OSBPL10: variants seen among roughly 807,000 people sequenced by gnomAD.
OSBPL10 encodes the protein oxysterol-binding protein-related protein 10.
Under a neutral mutation model 81.7 loss-of-function variants are expected in OSBPL10, and 49 were observed. The observed-to-expected ratio is 0.60, with a 90% confidence interval of 0.48 to 0.76. OSBPL10 has a LOEUF of 0.76. Ranked by LOEUF, OSBPL10 falls within the 30% of genes least tolerant of loss-of-function variation. The probability of loss-of-function intolerance (pLI) is 0.00; values close to 1 mark genes in which losing one functional copy is unlikely to be tolerated. For synonymous variants in OSBPL10, 419 were observed against 383.6 expected, an observed-to-expected ratio of 1.09 and a Z score of -1.08; for missense variants, 923 against 987.8, an observed-to-expected ratio of 0.93 and a Z score of 0.88.
At chr3:32,068,201 C>T (rs373332788) in intron 1 of OSBPL10, among the ~76,000 whole-genome samples, 3 of 152,184 alleles carry the variant, frequency 2.0e-5, no homozygotes, top group Admixed American at 6.5e-5. Flanking sequence ...CCCAAAACTC[C>T]GGCGCCAGTC....
chr3:31,666,194 T>G (rs1700186604), intron 10 of OSBPL10, among the ~76,000 whole-genome samples: 1 of 152,214 alleles, frequency 6.6e-6, no homozygotes, highest in Non-Finnish European at 1.5e-5. Context: ...CTGGCATCCC[T>G]GGGTGCTGGC....
chr3:31,811,940 A>C (rs368913174), intron 4 of OSBPL10, among the ~76,000 whole-genome samples: 129 of 152,354 alleles, frequency 8.5e-4, no homozygotes, highest in African/African-American at 3.0e-3. Flanking sequence ...TTGTTTAAAG[A>C]AATAGAGTTA....
At chr3:31,680,886 CA>C (rs1700623520) in intron 8 of OSBPL10, among the ~76,000 whole-genome samples, 2 of 152,196 alleles carry the variant, frequency 1.3e-5, no homozygotes, top group Admixed American at 1.3e-4. Context: ...CCCTTGTCAA[CA>C]GCAGGAAAAG....
In OSBPL10 at chr3:32,056,852, G is replaced by T. The variant is rs1699716498; in HGVS notation, n.186-10249C>A. Among the ~76,000 whole-genome samples the T allele has an allele frequency of 2.0e-5, 3 of 152,194 alleles. No homozygotes were observed. The South Asian group carries it at 6.2e-4, about 32-fold the overall frequency. ...GGTTAGGCATTCTTAGTCATGGAAT[G>T]AGATAAGAGGTCATAAAGATACACA... On this transcript the variant is annotated intron_variant and non_coding_transcript_variant, in intron 1 of 3. Coordinates refer to the OSBPL10 transcript ENST00000479173.
chr3:31,901,029 A>C (rs754156780), intron 1 of OSBPL10, among the ~76,000 whole-genome samples: 1 of 152,232 alleles, frequency 6.6e-6, no homozygotes, highest in African/African-American at 2.4e-5. Context: ...AAATCTAAAA[A>C]TATTTCAAAA....
intron 6 of OSBPL10, among the ~76,000 whole-genome samples, chr3:31,728,507 T>A (rs1696877274): frequency 6.6e-6 from 1 of 152,222 alleles, no homozygotes; most frequent in Admixed American, 6.5e-5. Flanking sequence ...AATTTAAAGT[T>A]ATCAAATGCT....
At chr3:31,812,804 A>C (rs375636785) in intron 4 of OSBPL10, among the ~76,000 whole-genome samples, 1 of 56,072 alleles carries the variant, frequency 1.8e-5, no homozygotes, top group Non-Finnish European at 3.5e-5. Flanking sequence ...GAAAGAAAGA[A>C]AGAAAGAAAG....
At position 31,807,627 on chromosome 3, in the gene OSBPL10, A is replaced by G. The variant is rs567426605; in HGVS notation, c.729+22413T>C. ...GTGGCACGTGCCTGTGGTCCCAACT[A>G]CTTAGGAGGCTGAGGTGGGAGGATC... On this transcript the variant is annotated intron_variant, in intron 4 of 11. Transcript: ENST00000396556. Among the ~76,000 whole-genome samples, 42 of 151,740 alleles carry G rather than the reference A, an allele frequency of 2.8e-4. No individual in the cohort carries two copies. In the East Asian group the frequency reaches 7.4e-3, roughly 27 times the overall value.
At chr3:32,000,602 G>A (rs138000211) in intron 2 of OSBPL10, among the ~76,000 whole-genome samples, 5 of 152,126 alleles carry the variant, frequency 3.3e-5, no homozygotes, top group African/African-American at 7.2e-5. Context: ...GCGAAATTGC[G>A]GGGCTGTTCT....
chr3:32,068,123 C>T (rs1221158425), intron 1 of OSBPL10, among the ~76,000 whole-genome samples: 1 of 152,202 alleles, frequency 6.6e-6, no homozygotes, highest in African/African-American at 2.4e-5. Flanking sequence ...CCTTCAATCT[C>T]TCTTTCCTTC....
At chr3:31,736,515 G>T (rs1010691166) in intron 5 of OSBPL10, among the ~76,000 whole-genome samples, 3 of 152,132 alleles carry the variant, frequency 2.0e-5, no homozygotes, top group Non-Finnish European at 4.4e-5. Flanking sequence ...CCATAAGAGA[G>T]GTGGACAGAT....
chr3:31,715,272 T>C (rs1187223845), intron 6 of OSBPL10, among the ~76,000 whole-genome samples: 2 of 152,232 alleles, frequency 1.3e-5, no homozygotes, highest in East Asian at 1.9e-4. Context: ...GGCTACCATA[T>C]TGGACAGCAT....
intron 4 of OSBPL10, among the ~76,000 whole-genome samples, chr3:31,762,630 A>ATTTGTTTTTTTTTTTTT (rs1698080481): frequency 1.6e-5 from 1 of 61,514 alleles, no homozygotes; most frequent in Non-Finnish European, 2.7e-5. Context: ...CATGCCCAGC[A>ATTTGTTTTTTTTTTTTT]TTTTTTTTTT....
intron 6 of OSBPL10, among the ~76,000 whole-genome samples, chr3:31,712,741 C>T (rs772459567): frequency 1.3e-5 from 2 of 152,204 alleles, no homozygotes; most frequent in Non-Finnish European, 1.5e-5. Context: ...ATCAATAAGT[C>T]GATGATCATT....
intron 1 of OSBPL10, among the ~76,000 whole-genome samples, chr3:31,904,657 G>A (rs1397674541): frequency 6.6e-6 from 1 of 152,086 alleles, no homozygotes; most frequent in Non-Finnish European, 1.5e-5. Flanking sequence ...GGGTGACTCT[G>A]GGGCCACACA....
chr3:31,884,418 A>G (rs1349959518), intron 1 of OSBPL10, among the ~76,000 whole-genome samples: 1 of 152,256 alleles, frequency 6.6e-6, no homozygotes, highest in East Asian at 1.9e-4. Flanking sequence ...TAAAAATTCC[A>G]ACAGACTAGA....
chr3:31,980,837 GCACGCACACACA>G, intron 1 of OSBPL10, 50 bp downstream of exon 1: 2 of 1,408,548 alleles, frequency 1.4e-6, no homozygotes, highest in East Asian at 6.0e-5. Flanking sequence ...ATACACACAC[GCACGCACACACA>G]CACACACACA....
intron 1 of OSBPL10, among the ~76,000 whole-genome samples, chr3:32,073,768 T>C (rs1699852683): frequency 6.6e-6 from 1 of 152,166 alleles, no homozygotes; most frequent in Admixed American, 6.5e-5. Context: ...TTGTTTACAC[T>C]GCCGGTTTAC....
chr3:31,910,752 C>A (rs1197454361), intron 1 of OSBPL10, among the ~76,000 whole-genome samples: 1 of 152,144 alleles, frequency 6.6e-6, no homozygotes, highest in Non-Finnish European at 1.5e-5. Flanking sequence ...TACTGACATA[C>A]CCTCAAGCTT....
Sources: gnomAD v4.1 joint callset for allele counts (sites outside exome capture counted in the v4.1 genomes callset) on GRCh38, gnomAD v4.1.1 for gene constraint, MANE v1.5 for transcripts, NCBI Gene and HGNC (gene_info 2026-07-23, HGNC 2026-07-21) for gene names.